The following GNAL variants were observed in gnomAD, a reference collection of about 807,000 sequenced individuals.
The protein encoded by GNAL is guanine nucleotide-binding protein G(olf) subunit alpha.
GNAL carries 18 observed loss-of-function variants against 55.1 expected under a neutral mutation model. The observed-to-expected ratio is 0.33, with a 90% confidence interval of 0.23 to 0.48. The LOEUF (loss-of-function observed/expected upper bound fraction) is 0.48, where lower values mean the gene tolerates loss of function less well. Among genes scored for constraint, GNAL ranks in the 20% least tolerant of loss-of-function variants. The pLI, the probability that GNAL is intolerant of heterozygous loss-of-function variation, is 0.99. For missense variants in GNAL, 412 were observed against 614.1 expected (o/e 0.67, Z 3.48); for synonymous variants, 253 against 237.0 (o/e 1.07, Z -0.62).
chr18:11,848,461 CT>C lies in GNAL; in HGVS notation c.723-13921del, dbSNP rs71172024. Among the ~76,000 whole-genome samples, 250 of 142,772 alleles carry C rather than the reference CT, an allele frequency of 1.8e-3. 1 individual carries two copies. The highest frequency in any genetic ancestry group is 3.6e-3 in the Middle Eastern group (1 of 276). 93.7% of individuals were successfully genotyped at this position (142,772 alleles called of 152,430 possible). ...CATACTTTTTCTTTTTTTTTCTTTT[CT>C]TTTTTTTTTTTTGAGAAGGAGTCTC... On this transcript the variant is annotated intron_variant, in intron 5 of 11. Coordinates refer to ENST00000334049, the MANE Select transcript of GNAL (RefSeq NM_182978.4).
In GNAL at chr18:11,885,090, G is replaced by A. The variant is rs113926454; in HGVS notation, c.*3955G>A. The A allele has an allele frequency of 3.5e-3, 4,328 of 1,253,034 alleles. 16 individuals are homozygous for A. Among genetic ancestry groups the A allele is most frequent in the African/African-American group, 0.016 (1,010 of 64,308 alleles). 77.6% of individuals were successfully genotyped at this position (1,253,034 alleles called of 1,614,324 possible). On this transcript the variant is annotated 3_prime_UTR_variant, in exon 12 of 12. Transcript: ENST00000334049. ...TCGTCTCCATGGGCTTTTCTTTGCA[G>A]ATACTTTTATGTGGAACAACAGTGG... is the stretch of plus-strand genomic sequence containing the variant.
In GNAL at chr18:11,875,057, A is replaced by T. The variant is rs191214052; in HGVS notation, c.1163-1564A>T. Among the ~76,000 whole-genome samples the T allele has an allele frequency of 2.0e-5, 3 of 152,230 alleles. No homozygotes were observed. The East Asian group carries it at 5.8e-4, about 29-fold the overall frequency. ...ATGAATGTGGACTCTTCCGGGGGAG[A>T]ATGCCTCAGAAAGGCCTAGAGCTAG... On this transcript the variant is annotated intron_variant, in intron 10 of 11. Transcript: ENST00000334049.
At chr18:11,724,849 G>C (rs2032177630) in intron 1 of GNAL, among the ~76,000 whole-genome samples, 1 of 152,218 alleles carries the variant, frequency 6.6e-6, no homozygotes, top group African/African-American at 2.4e-5. Flanking sequence ...TTCTTAAAAG[G>C]AAAGTCCTTA....
chr18:11,725,165 A>G (rs1246307469), intron 1 of GNAL, among the ~76,000 whole-genome samples: 5 of 152,220 alleles, frequency 3.3e-5, no homozygotes, highest in Non-Finnish European at 7.3e-5. Context: ...CATATATTGA[A>G]GTCCTAACCC....
chr18:11,701,069 C>T (rs1265268101), intron 1 of GNAL, among the ~76,000 whole-genome samples: 1 of 152,210 alleles, frequency 6.6e-6, no homozygotes, highest in Non-Finnish European at 1.5e-5. Flanking sequence ...GAAAAGTTCA[C>T]TGTGTTGTTG....
At chr18:11,747,758 A>C (rs745906267) in intron 1 of GNAL, among the ~76,000 whole-genome samples, 6 of 152,134 alleles carry the variant, frequency 3.9e-5, no homozygotes, top group Non-Finnish European at 7.4e-5. Flanking sequence ...GTATGTCTTA[A>C]ACTTCAACAA....
intron 4 of GNAL, among the ~76,000 whole-genome samples, chr18:11,808,882 G>A (rs2034734240): frequency 6.6e-6 from 1 of 152,172 alleles, no homozygotes; most frequent in African/African-American, 2.4e-5. Flanking sequence ...ATCATGCTAA[G>A]TCAGAGAAGC....
chr18:11,712,870 CTA>C (rs1251436587), intron 1 of GNAL, among the ~76,000 whole-genome samples: 1 of 152,122 alleles, frequency 6.6e-6, no homozygotes, highest in Non-Finnish European at 1.5e-5. Flanking sequence ...ATTCACTAGC[CTA>C]TGTTTCCTTC....
chr18:11,826,565 T>G (rs76953058), intron 5 of GNAL, among the ~76,000 whole-genome samples: 2,615 of 152,234 alleles, frequency 0.017, 92 homozygotes, highest in African/African-American at 0.06. Context: ...GAAAGTAGAT[T>G]GCAGAAGGCA....
intron 4 of GNAL, among the ~76,000 whole-genome samples, chr18:11,779,584 TACAA>T (rs1256490773): frequency 3.9e-5 from 6 of 152,204 alleles, no homozygotes; most frequent in Non-Finnish European, 7.3e-5. Flanking sequence ...TTGACCATCC[TACAA>T]ACAATCAGAT....
chr18:11,695,079 C>G (rs1212250936), intron 1 of GNAL, among the ~76,000 whole-genome samples: 1 of 151,986 alleles, frequency 6.6e-6, no homozygotes, highest in Non-Finnish European at 1.5e-5. Flanking sequence ...CATATGAATT[C>G]AGGGGGATGG....
At chr18:11,711,650 A>T (rs2031842150) in intron 1 of GNAL, among the ~76,000 whole-genome samples, 1 of 152,218 alleles carries the variant, frequency 6.6e-6, no homozygotes, top group South Asian at 2.1e-4. Context: ...GTTCTCTGGT[A>T]ACTCTCTGAG....
In GNAL at chr18:11,866,627, T is replaced by G. The variant is rs532499424; in HGVS notation, c.852-541T>G. 5.3e-5 allele frequency among the ~76,000 whole-genome samples: 8 copies of G among 150,342 alleles called. No homozygotes were observed. The South Asian group carries it at 1.7e-3, about 31-fold the overall frequency. On this transcript the variant is annotated intron_variant, in intron 7 of 11. Coordinates refer to ENST00000334049, the MANE Select transcript of GNAL (RefSeq NM_182978.4). ...TCGGGCTGGGCAGAGCAGCCTGCAC[T>G]GAATCCAGGCGTGATCAAGACCCAG...
chr18:11,830,044 G>T (rs913205262), intron 5 of GNAL, among the ~76,000 whole-genome samples: 88 of 152,062 alleles, frequency 5.8e-4, no homozygotes, highest in Non-Finnish European at 9.0e-4. Context: ...CTCAGTCGGT[G>T]CTATCTGAAA....
At chr18:11,787,467 G>A (rs73946340) in intron 4 of GNAL, among the ~76,000 whole-genome samples, 4 of 152,290 alleles carry the variant, frequency 2.6e-5, no homozygotes, top group African/African-American at 9.6e-5. Flanking sequence ...GACATGTTGC[G>A]GAACTCATAT....
intron 1 of GNAL, among the ~76,000 whole-genome samples, chr18:11,735,328 G>A (rs1383077545): frequency 6.6e-6 from 1 of 152,076 alleles, no homozygotes; most frequent in Non-Finnish European, 1.5e-5. Flanking sequence ...TGGGATTACT[G>A]GTGTGAGCCA....
At chr18:11,826,931 C>T (rs901935834) in intron 5 of GNAL, among the ~76,000 whole-genome samples, 20 of 152,094 alleles carry the variant, frequency 1.3e-4, no homozygotes, top group Non-Finnish European at 1.0e-4. Context: ...GAGGAGTGCC[C>T]GCAGAGAGGC....
intron 1 of GNAL, among the ~76,000 whole-genome samples, chr18:11,722,890 A>C (rs1280193120): frequency 6.6e-6 from 1 of 152,182 alleles, no homozygotes; most frequent in Non-Finnish European, 1.5e-5. Flanking sequence ...GCATGCCTAT[A>C]ATCCCAGCTA....
chr18:11,861,097 C>T (rs558020171), intron 5 of GNAL, among the ~76,000 whole-genome samples: 1 of 152,194 alleles, frequency 6.6e-6, no homozygotes, highest in Non-Finnish European at 1.5e-5. Context: ...GGGCACATGT[C>T]TGCTGCCTCT....
Sources: allele counts gnomAD v4.1 joint callset (sites outside exome capture counted in the v4.1 genomes callset), GRCh38; gene constraint gnomAD v4.1.1; transcripts MANE v1.5; gene names NCBI Gene and HGNC (gene_info 2026-07-23, HGNC 2026-07-21).